The following IL16 variants were observed in gnomAD, a reference collection of about 807,000 sequenced individuals.
The protein encoded by IL16 is pro-interleukin-16.
In IL16, 67 loss-of-function variants were observed where a neutral mutation model predicts 110.1. The observed-to-expected ratio is 0.61, with a 90% confidence interval of 0.50 to 0.75. IL16 has a LOEUF of 0.75. IL16 is among the 30% of genes least tolerant of loss of function. The pLI is 0.00. For missense variants in IL16, 1,545 were observed against 1,655.0 expected, an observed-to-expected ratio of 0.93 and a Z score of 1.15; for synonymous variants, 689 against 662.9, an observed-to-expected ratio of 1.04 and a Z score of -0.61.
intron 12 of IL16, chr15:81,295,434 T>A (rs1418045716): frequency 7.8e-7 from 1 of 1,288,920 alleles, no homozygotes; most frequent in African/African-American, 1.5e-5. Context: ...CTGCATTGAC[T>A]GCAGTTGGTA....
At chr15:81,202,017 C>G (rs1895835467) in intron 1 of IL16, among the ~76,000 whole-genome samples, 1 of 152,114 alleles carries the variant, frequency 6.6e-6, no homozygotes, top group Non-Finnish European at 1.5e-5. Context: ...TATTAGTTCC[C>G]CAGAAGAATT....
intron 1 of IL16, among the ~76,000 whole-genome samples, chr15:81,223,003 C>T (rs1896670412): frequency 6.6e-6 from 1 of 151,910 alleles, no homozygotes; most frequent in Admixed American, 6.6e-5. Context: ...GAACTAAAGG[C>T]AATAATGAGG....
intron 9 of IL16, among the ~76,000 whole-genome samples, chr15:81,284,894 G>A (rs548271801): frequency 2.8e-4 from 42 of 152,278 alleles, no homozygotes; most frequent in African/African-American, 1.0e-3. Context: ...AAGACAGTAT[G>A]GCAAAGCATG....
At chr15:81,239,322 A>C (rs1897273417) in intron 2 of IL16, among the ~76,000 whole-genome samples, 1 of 152,188 alleles carries the variant, frequency 6.6e-6, no homozygotes, top group South Asian at 2.1e-4. Flanking sequence ...TTACAATGGC[A>C]TTTCAGTGTT....
At chr15:81,262,804 G>A (rs181300229) in intron 3 of IL16, among the ~76,000 whole-genome samples, 9 of 152,268 alleles carry the variant, frequency 5.9e-5, no homozygotes, top group South Asian at 4.1e-4. Context: ...GGTGGCACAC[G>A]CCTGTAATCC....
intron 2 of IL16, among the ~76,000 whole-genome samples, chr15:81,244,864 G>T (rs1431288975): frequency 6.6e-6 from 1 of 151,892 alleles, no homozygotes; most frequent in African/African-American, 2.4e-5. Flanking sequence ...TTTTTTCCCA[G>T]TCTATTTTTC....
intron 15 of IL16, among the ~76,000 whole-genome samples, chr15:81,302,916 C>T (rs1352044474): frequency 1.3e-5 from 2 of 152,110 alleles, no homozygotes; most frequent in Non-Finnish European, 2.9e-5. Flanking sequence ...CTCCTATAGG[C>T]ATCTGAGTTT....
chr15:81,277,334 G>T (rs1596023267), intron 6 of IL16, among the ~76,000 whole-genome samples: 1 of 152,148 alleles, frequency 6.6e-6, no homozygotes, highest in East Asian at 1.9e-4. Context: ...TTCAAGAACT[G>T]ACTTAAGGCA....
At chr15:81,268,258 C>A (rs1898479444) in intron 4 of IL16, among the ~76,000 whole-genome samples, 1 of 152,188 alleles carries the variant, frequency 6.6e-6, no homozygotes. Context: ...AGCTCGTTAT[C>A]CAGGGAATGC....
intron 2 of IL16, among the ~76,000 whole-genome samples, chr15:81,242,591 A>G (rs1021248492): frequency 6.6e-6 from 1 of 152,222 alleles, no homozygotes; most frequent in Non-Finnish European, 1.5e-5. Flanking sequence ...TTTTATACCT[A>G]TGAATTACTG....
chr15:81,228,076 G>A (rs1896846680), intron 2 of IL16, among the ~76,000 whole-genome samples: 2 of 152,016 alleles, frequency 1.3e-5, no homozygotes, highest in South Asian at 4.1e-4. Flanking sequence ...GGAGGGGAGA[G>A]AATTCCAGGC....
chr15:81,303,279 TC>T lies in IL16; in HGVS notation c.3319-265del. 1 of 365,284 alleles carries T rather than the reference TC, an allele frequency of 2.7e-6. No homozygotes were observed. The highest frequency in any genetic ancestry group is 5.1e-6 in the Non-Finnish European group (1 of 196,924). The allele number at this position is 365,284 out of a possible 1,614,324, so 22.6% of individuals were successfully genotyped here. A position where few individuals can be genotyped will look rare whatever the true frequency, so the allele number is the denominator to read the frequency against. Reference sequence around the variant, plus strand: ...TGATTTCTGGCTGACTTCATGGCACTCCCCCTGCCCGGCTGTGGACAGGGTG... The same window carrying T: ...TGATTTCTGGCTGACTTCATGGCACTCCCCTGCCCGGCTGTGGACAGGGTG... On this transcript the variant is annotated intron_variant, in intron 15 of 18. Transcript: ENST00000683961. This position sits in a 1 kb window ranked among gnomAD's most constrained non-coding sequence, Gnocchi z 4.1.
chr15:81,211,081 A>G (rs978574131), intron 1 of IL16, among the ~76,000 whole-genome samples: 4 of 152,050 alleles, frequency 2.6e-5, no homozygotes, highest in Admixed American at 6.6e-5. Context: ...GTTTTCATAG[A>G]CAGAGTCTCA....
At position 81,290,573 on chromosome 15, in the gene IL16, T is replaced by C. The variant is rs770788535; in HGVS notation, c.1420+33T>C. 11 of 1,420,196 alleles carry C rather than the reference T, an allele frequency of 7.7e-6. No homozygotes were observed. In the Middle Eastern group the frequency reaches 1.2e-3, roughly 160 times the overall value. 88.0% of individuals were successfully genotyped at this position (1,420,196 alleles called of 1,614,324 possible). A position where few individuals can be genotyped will look rare whatever the true frequency, so the allele number is the denominator to read the frequency against. On this transcript the variant is annotated intron_variant, in intron 11 of 18. Transcript: ENST00000683961. ...AAATGGTGAACTTTGATGTAAAATA[T>C]CTTTGCCTTCTTAGAAAGCTTAGGA...
chr15:81,242,922 T>G (rs1567014602), intron 2 of IL16, among the ~76,000 whole-genome samples: 1 of 151,690 alleles, frequency 6.6e-6, no homozygotes, highest in Non-Finnish European at 1.5e-5. Flanking sequence ...TAATCATGAT[T>G]GGGTACTTAA....
chr15:81,186,446 G>T (rs1012228133), intron 1 of IL16, among the ~76,000 whole-genome samples: 1 of 152,032 alleles, frequency 6.6e-6, no homozygotes, highest in Non-Finnish European at 1.5e-5. Flanking sequence ...AAAAAGCACG[G>T]TGAGCTTTCT....
At chr15:81,210,125 C>T (rs1896183388) in intron 1 of IL16, among the ~76,000 whole-genome samples, 1 of 152,106 alleles carries the variant, frequency 6.6e-6, no homozygotes, top group African/African-American at 2.4e-5. Context: ...AATAAGGAGT[C>T]CTTTCCCCAT....
At chr15:81,219,323 T>A (rs1036028899) in intron 1 of IL16, among the ~76,000 whole-genome samples, 3 of 152,154 alleles carry the variant, frequency 2.0e-5, no homozygotes, top group African/African-American at 7.2e-5. Context: ...GGAATGAGCT[T>A]TAGCCAGTCT....
chr15:81,247,913 T>C (rs1272553683), intron 2 of IL16, among the ~76,000 whole-genome samples: 2 of 152,204 alleles, frequency 1.3e-5, no homozygotes, highest in Non-Finnish European at 2.9e-5. Flanking sequence ...TGAGAATTAT[T>C]TGATGACCCC....
Sources: allele counts gnomAD v4.1 joint callset (sites outside exome capture counted in the v4.1 genomes callset), GRCh38; gene constraint gnomAD v4.1.1; non-coding constraint Gnocchi (gnomAD v3.1); transcripts MANE v1.5; gene names NCBI Gene and HGNC (gene_info 2026-07-23, HGNC 2026-07-21).